The following DNAH6 variants were observed in gnomAD, a reference collection of about 807,000 sequenced individuals.
DNAH6 encodes the protein axonemal beta dynein heavy chain 6.
DNAH6 carries 340 observed loss-of-function variants against 491.4 expected under a neutral mutation model. That is an observed-to-expected ratio of 0.69 (90% CI 0.63 to 0.76). The LOEUF (loss-of-function observed/expected upper bound fraction) is 0.76. DNAH6 is among the 30% of genes least tolerant of loss of function. DNAH6 has a pLI of 0.00. For synonymous variants in DNAH6, 1,603 were observed against 1,686.1 expected (o/e 0.95, Z 1.21); for missense variants, 4,443 against 4,972.2 (o/e 0.89, Z 3.20).
rs1213123667 is a variant in DNAH6, at chr2:84,604,392, A to G, written c.2922A>G (p.Ala974=). The G allele has an allele frequency of 1.7e-5, 26 of 1,552,152 alleles. No homozygotes were observed. The East Asian group carries it at 6.4e-4, about 38-fold the overall frequency. Residue 974 remains alanine (A), a synonymous_variant, in exon 19 of 77, where the codon GCA becomes GCG. Transcript: ENST00000389394. ...CGACTTTGAAGGCAAGACATTGGGC[A>G]GCTATTGAACAAACAGTTGATGCCA... is the stretch of plus-strand genomic sequence containing the variant. ...RNPTLKARHW[A]AIEQTVDATL... is the part of the protein sequence containing the mutation.
intron 63 of DNAH6, among the ~76,000 whole-genome samples, chr2:84,746,937 C>CT (rs1386411154): frequency 6.6e-6 from 1 of 152,124 alleles, no homozygotes; most frequent in Non-Finnish European, 1.5e-5. Flanking sequence ...TTTTAAACGT[C>CT]TATCTCTTAT....
intron 64 of DNAH6, among the ~76,000 whole-genome samples, chr2:84,773,965 T>C (rs1675883537): frequency 6.6e-6 from 1 of 152,074 alleles, no homozygotes; most frequent in African/African-American, 2.4e-5. Context: ...TTCTTATAGA[T>C]TCTGAAAATT....
At chr2:84,654,850 A>AT in intron 35 of DNAH6, 68 bp downstream of exon 35, 2 of 1,508,412 alleles carry the variant, frequency 1.3e-6, no homozygotes, top group Non-Finnish European at 1.8e-6. Flanking sequence ...TAGTGCACAA[A>AT]TAACAATAGG....
At chr2:84,575,641 T>C (rs535169671) in intron 12 of DNAH6, among the ~76,000 whole-genome samples, 66 of 152,186 alleles carry the variant, frequency 4.3e-4, no homozygotes, top group African/African-American at 1.6e-3. Context: ...TCCCAGAACT[T>C]TGGGAGGCCG....
intron 72 of DNAH6, among the ~76,000 whole-genome samples, chr2:84,812,000 A>G (rs1680031631): frequency 6.6e-6 from 1 of 152,070 alleles, no homozygotes; most frequent in South Asian, 2.1e-4. Flanking sequence ...TGCTTCCCAA[A>G]TCACAGTCAG....
intron 62 of DNAH6, among the ~76,000 whole-genome samples, chr2:84,734,718 C>A (rs550918594): frequency 1.3e-5 from 2 of 152,182 alleles, no homozygotes; most frequent in South Asian, 4.1e-4. Flanking sequence ...TAAGGTATAC[C>A]ACTATGATTG....
the DNAH6 span, among the ~76,000 whole-genome samples, chr2:84,511,023 G>A: frequency 4.6e-4 from 70 of 152,188 alleles, no homozygotes; most frequent in Non-Finnish European, 9.1e-4. Context: ...CGGGGGTCAG[G>A]GACCCACTTG....
rs372996040 is a variant in DNAH6, at chr2:84,793,676, C to T, written c.11240-2630C>T. Among the ~76,000 whole-genome samples the T allele has an allele frequency of 4.0e-4, 61 of 152,268 alleles. 2 individuals carry two copies. The South Asian group carries it at 7.9e-3, about 20-fold the overall frequency. On this transcript the variant is annotated intron_variant, in intron 68 of 76. Transcript: ENST00000389394. ...AGAATACTCCTAGGAAGCTACAGAA[C>T]ATCTCCTTTTTACATCTTGGAATTG... is the stretch of plus-strand genomic sequence containing the variant.
intron 32 of DNAH6, among the ~76,000 whole-genome samples, chr2:84,641,663 A>G (rs1377035762): frequency 2.0e-5 from 3 of 152,242 alleles, no homozygotes; most frequent in Non-Finnish European, 2.9e-5. Context: ...AGCGATAGGA[A>G]TCATCATGGT....
intron 57 of DNAH6, among the ~76,000 whole-genome samples, chr2:84,714,079 A>G (rs998625210): frequency 4.6e-5 from 7 of 152,062 alleles, no homozygotes; most frequent in Non-Finnish European, 8.8e-5. Flanking sequence ...TCCCCCTCAC[A>G]TGCCCAGGTG....
intron 70 of DNAH6, among the ~76,000 whole-genome samples, chr2:84,804,910 G>A (rs1679270807): frequency 6.6e-6 from 1 of 152,056 alleles, no homozygotes; most frequent in Non-Finnish European, 1.5e-5. Context: ...CTAATTCCTG[G>A]GATCAAGCTA....
intron 3 of DNAH6, 92 bp from the exon 4 acceptor site, chr2:84,528,812 T>C: frequency 7.3e-6 from 9 of 1,239,478 alleles, no homozygotes; most frequent in Non-Finnish European, 8.8e-6. Flanking sequence ...TCATGCAATA[T>C]GGCAATTAGT....
At chr2:84,525,488 A>T in intron 2 of DNAH6, 77 bp from the exon 3 acceptor site, 2 of 1,367,700 alleles carry the variant, frequency 1.5e-6, no homozygotes, top group Non-Finnish European at 2.0e-6. Flanking sequence ...CAGGAGAAAG[A>T]GTCCAAAGGT....
At chr2:84,490,976 A>T in the DNAH6 span, among the ~76,000 whole-genome samples, 1 of 152,234 alleles carries the variant, frequency 6.6e-6, no homozygotes, top group Admixed American at 6.5e-5. Flanking sequence ...TGTATAGTGC[A>T]TTGGGTAAAT....
In DNAH6 at chr2:84,659,012, C is replaced by T. The variant is rs1435166173; in HGVS notation, c.5941-14C>T. The T allele has an allele frequency of 7.4e-7, 1 of 1,348,400 alleles. No homozygotes were observed. Among genetic ancestry groups the T allele is most frequent in the Admixed American group, 2.5e-5 (1 of 40,344 alleles). The allele number at this position is 1,348,400 out of a possible 1,614,324, so 83.5% of individuals were successfully genotyped here. A position where few individuals can be genotyped will look rare whatever the true frequency, so the allele number is the denominator to read the frequency against. ...TATATAAAATATTAAGTCTGTTTCTCTTTATTCTTTCAGGAACAAACAAAA... is the reference window on the plus strand; with the variant it reads ...TATATAAAATATTAAGTCTGTTTCTTTTTATTCTTTCAGGAACAAACAAAA... On this transcript the variant is annotated splice_polypyrimidine_tract_variant and intron_variant, in intron 36 of 76. Transcript: ENST00000389394.
Position 84,808,442 on chromosome 2 carries a change from A to C in DNAH6, c.11639A>C (p.Glu3880Ala), listed in dbSNP as rs979329669. 1.1e-5 allele frequency: 17 copies of C among 1,544,968 alleles called. No homozygotes were observed. The highest frequency in any genetic ancestry group is 4.1e-5 in the Admixed American group (2 of 49,080). The change falls in exon 72 of 77, where the codon GAG (glutamate) becomes GCG (alanine). Residue 3880 changes from glutamate (E) to alanine (A), a missense_variant. Transcript: ENST00000389394. ...PEKLEMEGAS[E>A]SLFVKDLQGR... The stretch of plus-strand genomic sequence containing the variant: ...AAACTGGAAATGGAGGGTGCTTCTG[A>C]GAGCCTTTTTGTCAAGGATCTTCAA...
intron 11 of DNAH6, among the ~76,000 whole-genome samples, chr2:84,569,303 A>T (rs1681540052): frequency 6.6e-6 from 1 of 152,148 alleles, no homozygotes; most frequent in Admixed American, 6.5e-5. Context: ...TATACTATAG[A>T]TATTCAGAAG....
chr2:84,593,827 T>A, intron 16 of DNAH6, 145 bp from the exon 17 acceptor site: 1 of 403,198 alleles, frequency 2.5e-6, no homozygotes, highest in Non-Finnish European at 4.4e-6. Flanking sequence ...TTTCTTCATC[T>A]GTTTCTAGTG....
At chr2:84,577,710 A>G (rs1185156485) in intron 13 of DNAH6, among the ~76,000 whole-genome samples, 3 of 152,020 alleles carry the variant, frequency 2.0e-5, no homozygotes, top group African/African-American at 4.8e-5. Context: ...ACAGCTCAAT[A>G]TCCTAGAGGG....
Sources: allele counts gnomAD v4.1 joint callset (sites outside exome capture counted in the v4.1 genomes callset), GRCh38; gene constraint gnomAD v4.1.1; transcripts MANE v1.5; gene names NCBI Gene and HGNC (gene_info 2026-07-23, HGNC 2026-07-21).